Variants in CHST15 observed in about 807,000 individuals in gnomAD.
CHST15 encodes carbohydrate sulfotransferase 15, also known as B cell RAG associated protein (GALNAC4S-6ST).
In CHST15, 30 loss-of-function variants were observed where a neutral mutation model predicts 53.6. The observed-to-expected ratio is 0.56, with a 90% confidence interval of 0.42 to 0.76. CHST15 has a LOEUF of 0.76. Among genes scored for constraint, CHST15 ranks in the 30% least tolerant of loss-of-function variants. CHST15 has a pLI of 0.00. For synonymous variants in CHST15, 296 were observed against 289.8 expected (o/e 1.02, Z -0.22); for missense variants, 627 against 740.5 (o/e 0.85, Z 1.78).
In CHST15 at chr10:124,046,222, A is replaced by G; in HGVS notation, c.-10T>C. The G allele has an allele frequency of 6.3e-7, 1 of 1,583,134 alleles. No homozygotes were observed. Among genetic ancestry groups the G allele is most frequent in the Non-Finnish European group, 8.6e-7 (1 of 1,163,356 alleles). On this transcript the variant is annotated 5_prime_UTR_variant, in exon 2 of 8. Coordinates refer to ENST00000435907, the MANE Select transcript of CHST15 (RefSeq NM_001270764.2). ...TAATGCAGTGCCTCATGGTAGTGCC[A>G]GTGCCCTGGGCTGCTGGCTTACCGA...
Position 124,008,709 on chromosome 10 carries a change from G to A in CHST15, c.*1440C>T. On this transcript the variant is annotated 3_prime_UTR_variant, in exon 8 of 8. Coordinates refer to ENST00000435907, the MANE Select transcript of CHST15 (RefSeq NM_001270764.2). The stretch of plus-strand genomic sequence containing the variant: ...CATACAAGTTAGAGCTGGGTAGACG[G>A]GTGCTTGCACTTTCTGGCTTTGGTG... The A allele has an allele frequency of 2.6e-6, 3 of 1,148,366 alleles. No homozygotes were observed. Among genetic ancestry groups the A allele is most frequent in the Non-Finnish European group, 3.3e-6 (3 of 916,034 alleles). The allele number at this position is 1,148,366 out of a possible 1,614,324, so 71.1% of individuals were successfully genotyped here.
At chr10:124,043,786 AT>A (rs1486234657) in intron 3 of CHST15, among the ~76,000 whole-genome samples, 1 of 152,264 alleles carries the variant, frequency 6.6e-6, no homozygotes, top group African/African-American at 2.4e-5. Flanking sequence ...CATAAGGCAG[AT>A]GGGGCAGGTC....
rs546735166 is a variant in CHST15, at chr10:124,072,061, C to T, written c.-513+21408G>A. On this transcript the variant is annotated intron_variant, in intron 1 of 7. Coordinates refer to ENST00000435907, the MANE Select transcript of CHST15 (RefSeq NM_001270764.2). ...AAGGGTCTGGGAAGTCACTGCTTCC[C>T]CAAATTGAGTAAAACTCACCTAAGG... Among the ~76,000 whole-genome samples, 3 of 152,328 alleles carry T rather than the reference C, an allele frequency of 2.0e-5. No homozygotes were observed. In the East Asian group the frequency reaches 5.8e-4, roughly 29 times the overall value.
At chr10:124,056,788 G>A (rs559933040) in intron 1 of CHST15, among the ~76,000 whole-genome samples, 3 of 150,892 alleles carry the variant, frequency 2.0e-5, no homozygotes, top group South Asian at 2.1e-4. Context: ...GACACTCCGC[G>A]GCCCAGGCCC....
At chr10:124,011,157 G>T in intron 7 of CHST15, 1 of 917,102 alleles carries the variant, frequency 1.1e-6, no homozygotes, top group Non-Finnish European at 1.3e-6. Context: ...CCAACGCCCC[G>T]CCCTCTGGGC....
rs1356498660 is a variant in CHST15, at chr10:124,090,865, C to T, written c.-513+2604G>A. Among the ~76,000 whole-genome samples, 4 of 152,338 alleles carry T rather than the reference C, an allele frequency of 2.6e-5. No homozygotes were observed. The East Asian group carries it at 7.7e-4, about 29-fold the overall frequency. Reference sequence around the variant, plus strand: ...CTGGACAATATCCTGGATGAATTACCCCTGCATGCTTCACCTACAAGCCAG... The same window carrying T: ...CTGGACAATATCCTGGATGAATTACTCCTGCATGCTTCACCTACAAGCCAG... On this transcript the variant is annotated intron_variant, in intron 1 of 7. Coordinates refer to ENST00000435907, the MANE Select transcript of CHST15 (RefSeq NM_001270764.2).
At chr10:124,031,503 A>G (rs1053288715) in intron 5 of CHST15, among the ~76,000 whole-genome samples, 1 of 152,202 alleles carries the variant, frequency 6.6e-6, no homozygotes, top group African/African-American at 2.4e-5. Context: ...CAGTTGTAAC[A>G]TAAGAGTTAG....
chr10:124,020,399 T>C lies in CHST15; in HGVS notation c.1347+857A>G, dbSNP rs941432045. 1.6e-5 allele frequency: 16 copies of C among 985,474 alleles called. No individual in the cohort carries two copies. The East Asian group carries it at 1.5e-3, about 91-fold the overall frequency. The allele number at this position is 985,474 out of a possible 1,614,324, so 61.0% of individuals were successfully genotyped here. A position where few individuals can be genotyped will look rare whatever the true frequency, so the allele number is the denominator to read the frequency against. ...TACCTGTGTCCCTGTGGCATCTTCC[T>C]TGCCAAACTACAAAGTCCAACAGGG... On this transcript the variant is annotated intron_variant, in intron 6 of 7. Coordinates refer to ENST00000435907, the MANE Select transcript of CHST15 (RefSeq NM_001270764.2).
At chr10:124,025,525 C>T (rs556772007) in intron 5 of CHST15, among the ~76,000 whole-genome samples, 2 of 152,324 alleles carry the variant, frequency 1.3e-5, no homozygotes, top group Non-Finnish European at 2.9e-5. Flanking sequence ...TGGCATCCTG[C>T]TGTGTCACAG....
intron 1 of CHST15, among the ~76,000 whole-genome samples, chr10:124,073,073 G>T (rs755371669): frequency 2.6e-5 from 4 of 152,096 alleles, no homozygotes; most frequent in African/African-American, 9.7e-5. Context: ...AAGCTTGGGC[G>T]TACTCACTCC....
At chr10:124,034,688 C>G (rs1458819526) in intron 5 of CHST15, among the ~76,000 whole-genome samples, 5 of 121,560 alleles carry the variant, frequency 4.1e-5, no homozygotes, top group South Asian at 5.2e-4. Flanking sequence ...TAACAGGGAC[C>G]CCGGCTCCAC....
At chr10:124,055,364 T>A (rs984611759) in intron 1 of CHST15, among the ~76,000 whole-genome samples, 2 of 151,916 alleles carry the variant, frequency 1.3e-5, no homozygotes, top group African/African-American at 4.8e-5. Flanking sequence ...AAGGAGGGGG[T>A]TGGAGGTGAT....
chr10:124,026,634 G>A (rs1019303310), intron 5 of CHST15, among the ~76,000 whole-genome samples: 2 of 152,166 alleles, frequency 1.3e-5, no homozygotes, highest in Non-Finnish European at 2.9e-5. Context: ...AACTGCAGGG[G>A]CACGGATGCA....
At chr10:124,044,998 C>T (rs1947911020) in intron 2 of CHST15, 79 bp from the exon 3 acceptor site, 1 of 926,776 alleles carries the variant, frequency 1.1e-6, no homozygotes, top group Non-Finnish European at 1.5e-6. Flanking sequence ...TGGGAACCTG[C>T]CCTGAGACTG....
chr10:124,049,391 C>A (rs1042667559), intron 1 of CHST15, among the ~76,000 whole-genome samples: 1 of 152,290 alleles, frequency 6.6e-6, no homozygotes, highest in Admixed American at 6.5e-5. Flanking sequence ...TGACACTTTG[C>A]GGGCCAGGAT....
At position 124,045,121 on chromosome 10, in the gene CHST15, A is replaced by AAAAAAC. The variant is rs1554911429; in HGVS notation, c.547-203_547-202insGTTTTT. On this transcript the variant is annotated intron_variant, in intron 2 of 7. Transcript: ENST00000435907. ...CTCCCCCGCCGCCCCACAAAAAAAAAAAAAAAAAAAAAAAAAAAAAAAACT... is the reference window on the plus strand; with the variant it reads ...CTCCCCCGCCGCCCCACAAAAAAAAAAAAAACAAAAAAAAAAAAAAAAAAAAAAACT... 4.6e-5 allele frequency among the ~76,000 whole-genome samples: 4 copies of AAAAAAC among 87,498 alleles called. No individual in the cohort carries two copies. The East Asian group carries it at 9.6e-4, about 21-fold the overall frequency. 57.4% of individuals were successfully genotyped at this position (87,498 alleles called of 152,430 possible).
chr10:124,020,584 C>G, intron 6 of CHST15: 1 of 985,962 alleles, frequency 1.0e-6, no homozygotes, highest in Non-Finnish European at 1.2e-6. Context: ...ATGCGAGACG[C>G]TGAGCAGAGC....
intron 5 of CHST15, among the ~76,000 whole-genome samples, chr10:124,037,562 T>C (rs576664747): frequency 3.9e-5 from 6 of 152,254 alleles, no homozygotes; most frequent in Non-Finnish European, 8.8e-5. Flanking sequence ...TGTGGAAGTA[T>C]TGGAGGGAGC....
At chr10:124,063,451 C>G (rs970322063) in intron 1 of CHST15, among the ~76,000 whole-genome samples, 1 of 152,100 alleles carries the variant, frequency 6.6e-6, no homozygotes, top group Admixed American at 6.5e-5. Context: ...AGATAACAGA[C>G]CTAGTTTCTG....
Sources: gnomAD v4.1 joint callset for allele counts (sites outside exome capture counted in the v4.1 genomes callset) on GRCh38, gnomAD v4.1.1 for gene constraint, MANE v1.5 for transcripts, NCBI Gene and HGNC (gene_info 2026-07-23, HGNC 2026-07-21) for gene names.